The following SZT2 variants were observed in gnomAD, a reference collection of about 807,000 sequenced individuals.
SZT2 encodes SZT2 subunit of KICSTOR complex.
SZT2 carries 216 observed loss-of-function variants against 404.2 expected under a neutral mutation model. The observed-to-expected ratio is 0.53, with a 90% CI of 0.48 to 0.60. SZT2 has a LOEUF of 0.60. Ranked by LOEUF, SZT2 falls within the 20% of genes least tolerant of loss-of-function variation. The pLI is 0.00. For missense variants in SZT2, 3,857 were observed against 4,459.2 expected (o/e 0.86, Z 3.85); for synonymous variants, 1,693 against 1,749.9 (o/e 0.97, Z 0.81).
chr1:43,396,450 A>T (rs1649001676), intron 1 of SZT2, among the ~76,000 whole-genome samples: 1 of 152,228 alleles, frequency 6.6e-6, no homozygotes, highest in African/African-American at 2.4e-5. Context: ...TATCAAAAAG[A>T]CAGATTCTGG....
At chr1:43,399,505 A>G (rs1649413340) in intron 1 of SZT2, among the ~76,000 whole-genome samples, 1 of 136,058 alleles carries the variant, frequency 7.3e-6, no homozygotes, top group African/African-American at 2.9e-5. Flanking sequence ...GAGTCTCGCT[A>G]GGCTGGAGTG....
rs372519036 is a variant in SZT2 at position 43,403,172 on chromosome 1, C to T, written c.28-5C>T. The T allele has an allele frequency of 2.1e-5, 34 of 1,613,724 alleles. No individual in the cohort carries two copies. The highest frequency in any genetic ancestry group is 3.3e-4 in the Middle Eastern group (2 of 6,084). ...AAAGATGTATTAATGTCTCTTTGTT[C>T]CCAGGTGGAAGAAGCTGGGCAGGTG... On this transcript the variant is annotated splice_polypyrimidine_tract_variant and splice_region_variant and intron_variant, in intron 1 of 71. Transcript: ENST00000634258.
Position 43,447,152 on chromosome 1 carries a change from C to G in SZT2, c.9270C>G (p.Arg3090=), listed in dbSNP as rs1204104792. ...AHHPDGPHFG[R]NHIYQGTLEL... Reference sequence around the variant, plus strand: ...ACCCTGACGGACCCCACTTTGGCCGCAATCACATTTACCAAGGTCAGTGCC... The same window carrying G: ...ACCCTGACGGACCCCACTTTGGCCGGAATCACATTTACCAAGGTCAGTGCC... The change falls in exon 66 of 72, where the codon CGC becomes CGG. Residue 3090 remains arginine, a synonymous_variant. Transcript: ENST00000634258. 1.5e-5 allele frequency: 24 copies of G among 1,612,468 alleles called. No homozygotes were observed. The highest frequency in any genetic ancestry group is 2.0e-5 in the Non-Finnish European group (24 of 1,179,726).
chr1:43,443,174 C>T lies in SZT2; in HGVS notation c.8420-14C>T, dbSNP rs943311860. 5.0e-6 allele frequency: 8 copies of T among 1,613,990 alleles called. No individual in the cohort carries two copies. The highest frequency in any genetic ancestry group is 5.9e-6 in the Non-Finnish European group (7 of 1,179,998). ...ACAATGCCTGGGGCTACTACTAATG[C>T]CCTCAACCCTCAGAGCTGGAGCGCC... is the stretch of plus-strand genomic sequence containing the variant. On this transcript the variant is annotated splice_polypyrimidine_tract_variant and intron_variant, in intron 59 of 71. Transcript: ENST00000634258.
In SZT2 at chr1:43,450,091, C is replaced by T; in HGVS notation, c.10087-12C>T. 2.5e-6 allele frequency: 4 copies of T among 1,614,104 alleles called. No homozygotes were observed. Among genetic ancestry groups the T allele is most frequent in the Non-Finnish European group, 3.4e-6 (4 of 1,179,982 alleles). On this transcript the variant is annotated splice_polypyrimidine_tract_variant and intron_variant, in intron 70 of 71. Coordinates refer to ENST00000634258, the MANE Select transcript of SZT2 (RefSeq NM_001365999.1). The surrounding 1 kb of genome is among the most constrained non-coding windows in gnomAD (Gnocchi z 4.3). ...TGTAGGGTCTGTGTCCCCTCCTCAT[C>T]TTTCACTGCAGGTTGTGCTGAATCA... is the stretch of plus-strand genomic sequence containing the variant.
intron 1 of SZT2, among the ~76,000 whole-genome samples, chr1:43,390,303 C>T (rs1327750793): frequency 6.6e-6 from 1 of 152,222 alleles, no homozygotes; most frequent in Non-Finnish European, 1.5e-5. Context: ...CTTTCTGTTG[C>T]AGTTTCAATG....
chr1:43,441,353 G>C lies in SZT2; in HGVS notation c.7484G>C (p.Gly2495Ala). The change falls in exon 53 of 72, where the codon GGC (glycine) becomes GCC (alanine). Residue 2495 changes from glycine (G) to alanine (A), a missense_variant. By Grantham distance (60) the Gly-to-Ala change is moderately conservative (BLOSUM62 0). Coordinates refer to ENST00000634258, the MANE Select transcript of SZT2 (RefSeq NM_001365999.1). The surrounding 1 kb of genome is among the most constrained non-coding windows in gnomAD (Gnocchi z 4.8). Reference protein sequence around the residue: ...RTPGGAERAPGSDSGAQRQKR... With the variant: ...RTPGGAERAPASDSGAQRQKR... ...CCTGGTGGAGCTGAGCGGGCGCCAG[G>C]CTCAGATTCTGGAGCCCAGAGACAA... is the stretch of plus-strand genomic sequence containing the variant. 2 of 1,614,180 alleles carry C rather than the reference G, an allele frequency of 1.2e-6. No individual in the cohort carries two copies. The highest frequency in any genetic ancestry group is 1.7e-6 in the Non-Finnish European group (2 of 1,180,020).
Position 43,453,263 on chromosome 1 carries a change from G to T in SZT2, c.*2783G>T. On this transcript the variant is annotated 3_prime_UTR_variant, in exon 72 of 72. Transcript: ENST00000634258. The stretch of plus-strand genomic sequence containing the variant: ...AGGCAATTTACAAAGGACCAGGACC[G>T]CAGAGGCAGAGATAAACCAGTGGGC... The T allele has an allele frequency of 1.5e-6, 1 of 686,284 alleles. No individual in the cohort carries two copies. Among genetic ancestry groups the T allele is most frequent in the Non-Finnish European group, 2.5e-6 (1 of 404,942 alleles). The allele number at this position is 686,284 out of a possible 1,614,324, so 42.5% of individuals were successfully genotyped here.
rs918692669 is a variant in SZT2 at position 43,453,520 on chromosome 1, C to T, written c.*3040C>T. 4 of 1,534,680 alleles carry T rather than the reference C, an allele frequency of 2.6e-6. No homozygotes were observed. Among genetic ancestry groups the T allele is most frequent in the Non-Finnish European group, 3.5e-6 (4 of 1,136,996 alleles). On this transcript the variant is annotated 3_prime_UTR_variant, in exon 72 of 72. Transcript: ENST00000634258. ...CTCCTGCAGAGAGAACGGGCCTCAGCCCCCGGCTCGGACACTCCCCTGCCC... is the reference window on the plus strand; with the variant it reads ...CTCCTGCAGAGAGAACGGGCCTCAGTCCCCGGCTCGGACACTCCCCTGCCC...
At chr1:43,390,088 G>A (rs571387020) in intron 1 of SZT2, 93 bp downstream of exon 1, 12 of 1,324,962 alleles carry the variant, frequency 9.1e-6, no homozygotes, top group African/African-American at 4.7e-5. Context: ...AGGTCTGGGG[G>A]TGGCCGGGCT....
At position 43,438,756 on chromosome 1, in the gene SZT2, C is replaced by T. The variant is rs2153935265; in HGVS notation, c.6566C>T (p.Thr2189Met). The part of the protein sequence containing the change: ...RVLCRRLDEA[T>M]LDVITVMLVR... Reference sequence around the variant, plus strand: ...CTATGTCGGCGCCTGGATGAGGCCACGCTGGACGTCATCACAGTTATGCTT... The same window carrying T: ...CTATGTCGGCGCCTGGATGAGGCCATGCTGGACGTCATCACAGTTATGCTT... Residue 2189 changes from threonine to methionine, a missense_variant, in exon 47 of 72, where the codon ACG (threonine) becomes ATG (methionine). By Grantham distance (81) the Thr-to-Met change is moderately conservative. Around this residue, in one of 7 missense-constraint regions of SZT2, gnomAD observed 261 missense variants for 372.9 expected, o/e 0.70. Coordinates refer to ENST00000634258, the MANE Select transcript of SZT2 (RefSeq NM_001365999.1). The T allele has an allele frequency of 1.9e-6, 3 of 1,614,124 alleles. No homozygotes were observed. Among genetic ancestry groups the T allele is most frequent in the South Asian group, 1.1e-5 (1 of 91,082 alleles).
chr1:43,448,428 G>A lies in SZT2; in HGVS notation c.9913G>A (p.Glu3305Lys). The A allele has an allele frequency of 6.2e-7, 1 of 1,601,284 alleles. No individual in the cohort carries two copies. Among genetic ancestry groups the A allele is most frequent in the Non-Finnish European group, 8.5e-7 (1 of 1,174,314 alleles). Residue 3305 changes from glutamate (E) to lysine (K), a missense_variant, in exon 69 of 72, where the codon GAG becomes AAG. By Grantham distance (56) the Glu-to-Lys change is moderately conservative. Around this residue, in one of 7 missense-constraint regions of SZT2, gnomAD observed 717 missense variants for 868.2 expected, o/e 0.83. Transcript: ENST00000634258. This position sits in a 1 kb window ranked among gnomAD's most constrained non-coding sequence, Gnocchi z 4.2. Reference sequence around the variant, plus strand: ...GGGGCGCCTGGCCCTGGCAGAGCTGGAGGAACTCCTAGAAGCAGTCCATGC... The same window carrying A: ...GGGGCGCCTGGCCCTGGCAGAGCTGAAGGAACTCCTAGAAGCAGTCCATGC... The part of the protein sequence containing the change: ...LGGRLALAEL[E>K]ELLEAVHAKS...
At position 43,390,197 on chromosome 1, in the gene SZT2, AAAG is replaced by A. The variant is rs557597082; in HGVS notation, c.27+203_27+205del. Among the ~76,000 whole-genome samples, 112 of 152,326 alleles carry A rather than the reference AAAG, an allele frequency of 7.4e-4. 1 individual carries two copies. Among genetic ancestry groups the A allele is most frequent in the African/African-American group, 2.6e-3 (110 of 41,582 alleles). On this transcript the variant is annotated intron_variant, in intron 1 of 71. Coordinates refer to ENST00000634258, the MANE Select transcript of SZT2 (RefSeq NM_001365999.1). ...CGGTCCGCAGTTTCCTCGGGGAGCT[AAAG>A]GAGTAACTGTTCGCTTTGTTTTGTT...
Position 43,425,109 on chromosome 1 carries a change from A to G in SZT2, c.2551-4A>G. On this transcript the variant is annotated splice_region_variant and splice_polypyrimidine_tract_variant and intron_variant, in intron 17 of 71. Transcript: ENST00000634258. This position sits in a 1 kb window ranked among gnomAD's most constrained non-coding sequence, Gnocchi z 4.3. ...TTGCCCAAGATCTCCCATTTTGCCC[A>G]CAGAATGAACCACCAGGGCAGGCTG... is the stretch of plus-strand genomic sequence containing the variant. 6.2e-7 allele frequency: 1 copy of G among 1,614,170 alleles called. No individual in the cohort carries two copies. The highest frequency in any genetic ancestry group is 1.7e-5 in the Admixed American group (1 of 60,026).
chr1:43,422,168 A>C lies in SZT2; in HGVS notation c.1712A>C (p.Asn571Thr). 1.3e-6 allele frequency: 2 copies of C among 1,596,904 alleles called. No individual in the cohort carries two copies. Among genetic ancestry groups the C allele is most frequent in the East Asian group, 2.2e-5 (1 of 44,830 alleles). The change falls in exon 12 of 72, where the codon AAT (asparagine) becomes ACT (threonine). Residue 571 changes from asparagine to threonine, a missense_variant. Physicochemically the swap from Asn to Thr is moderately conservative, Grantham distance 65 (BLOSUM62 0). This residue lies in a region of SZT2 where 1,725 missense variants were observed against 1,881.0 expected (regional missense o/e 0.92). Coordinates refer to ENST00000634258, the MANE Select transcript of SZT2 (RefSeq NM_001365999.1). ...YWKPVLSMDA[N>T]SWQRWLHMHR... ...AAGCCAGTGCTGTCCATGGATGCAA[A>C]TTCCTGGCAGCGATGGCTGCACATG...
intron 62 of SZT2, among the ~76,000 whole-genome samples, chr1:43,444,833 C>T (rs1445615137): frequency 1.3e-5 from 2 of 152,210 alleles, no homozygotes; most frequent in African/African-American, 4.8e-5. Context: ...TTCGTGTCTC[C>T]AGATTTGTGA....
chr1:43,448,477 C>T lies in SZT2; in HGVS notation c.9962C>T (p.Pro3321Leu). The change falls in exon 69 of 72, where the codon CCC becomes CTC. Residue 3321 changes from proline (P) to leucine (L), a missense_variant. Pro to Leu is a moderately conservative substitution (Grantham distance 98). Coordinates refer to ENST00000634258, the MANE Select transcript of SZT2 (RefSeq NM_001365999.1). The surrounding 1 kb of genome is among the most constrained non-coding windows in gnomAD (Gnocchi z 4.2). ...GCCAAATCCATTGGGGACATCGACC[C>T]CCAGCTGGTAAGGAACTGTGGGCTC... is the stretch of plus-strand genomic sequence containing the variant. ...VHAKSIGDID[P>L]QLDCFLSMTV... The T allele has an allele frequency of 6.2e-7, 1 of 1,608,922 alleles. No individual in the cohort carries two copies.
chr1:43,433,256 C>A, intron 40 of SZT2, 66 bp downstream of exon 40: 1 of 1,534,866 alleles, frequency 6.5e-7, no homozygotes, highest in Non-Finnish European at 8.9e-7. Context: ...TCCCACAGTA[C>A]CTCTCTCCAG....
At position 43,420,338 on chromosome 1, in the gene SZT2, G is replaced by A; in HGVS notation, c.1261+15G>A. On this transcript the variant is annotated intron_variant, in intron 9 of 71. Coordinates refer to ENST00000634258, the MANE Select transcript of SZT2 (RefSeq NM_001365999.1). This position sits in a 1 kb window ranked among gnomAD's most constrained non-coding sequence, Gnocchi z 5.1. ...ACTGGCCAAAGGTAAGGGTCATTAG[G>A]CCCTGCTGTAATCCCATAGATCTCT... The A allele has an allele frequency of 6.4e-7, 1 of 1,564,470 alleles. No homozygotes were observed. Among genetic ancestry groups the A allele is most frequent in the Non-Finnish European group, 8.6e-7 (1 of 1,160,902 alleles).
Sources: allele counts gnomAD v4.1 joint callset (sites outside exome capture counted in the v4.1 genomes callset), GRCh38; gene constraint gnomAD v4.1.1; regional missense constraint gnomAD v4.1.1; non-coding constraint Gnocchi (gnomAD v3.1); transcripts MANE v1.5; gene names NCBI Gene and HGNC (gene_info 2026-07-23, HGNC 2026-07-21).